ANAPC7: variants seen among roughly 807,000 people sequenced by gnomAD.
The protein encoded by ANAPC7 is anaphase-promoting complex subunit 7.
A neutral mutation model predicts 63.3 loss-of-function variants in ANAPC7; 25 were observed. That is an observed-to-expected ratio of 0.39 (90% CI 0.29 to 0.55). ANAPC7 has a LOEUF of 0.55. Ranked by LOEUF, ANAPC7 falls within the 20% of genes least tolerant of loss-of-function variation. The pLI is 0.57. For missense variants in ANAPC7, 516 were observed against 691.7 expected (o/e 0.75, Z 2.85); for synonymous variants, 241 against 251.7 (o/e 0.96, Z 0.40).
chr12:110,386,314 A>G lies in ANAPC7; in HGVS notation c.817+13T>C. ...ACAACAGCCACTGTCTTCCTGCCCCAAGAATTACTTACCTTTTATCAGATA... is the reference window on the plus strand; with the variant it reads ...ACAACAGCCACTGTCTTCCTGCCCCGAGAATTACTTACCTTTTATCAGATA... On this transcript the variant is annotated intron_variant, in intron 6 of 10. Coordinates refer to ENST00000455511, the MANE Select transcript of ANAPC7 (RefSeq NM_016238.3). The G allele has an allele frequency of 1.2e-6, 2 of 1,613,768 alleles. No homozygotes were observed. The highest frequency in any genetic ancestry group is 1.7e-6 in the Non-Finnish European group (2 of 1,179,968).
chr12:110,380,304 T>C (rs936152199), intron 8 of ANAPC7, among the ~76,000 whole-genome samples: 2 of 151,532 alleles, frequency 1.3e-5, no homozygotes, highest in African/African-American at 4.9e-5. Flanking sequence ...TGAGCTGAGA[T>C]TGCACCACTG....
chr12:110,396,900 C>A (rs1219295216), intron 1 of ANAPC7, among the ~76,000 whole-genome samples: 1 of 151,790 alleles, frequency 6.6e-6, no homozygotes, highest in Admixed American at 6.6e-5. Context: ...ACTTTGAATC[C>A]TTTTTAAAAA....
At chr12:110,397,552 C>T (rs1462835726) in intron 1 of ANAPC7, among the ~76,000 whole-genome samples, 4 of 135,862 alleles carry the variant, frequency 2.9e-5, no homozygotes, top group Admixed American at 1.4e-4. Flanking sequence ...AGCGAGATCT[C>T]GTCTCAAAAA....
In ANAPC7 at chr12:110,377,926, C is replaced by G. The variant is rs147090898; in HGVS notation, c.1133-309G>C. Reference sequence around the variant, plus strand: ...CATCTGACCACTGGAAGAATAAATGCGACACTAATGATTAGTCTGTCATAT... The same window carrying G: ...CATCTGACCACTGGAAGAATAAATGGGACACTAATGATTAGTCTGTCATAT... On this transcript the variant is annotated intron_variant, in intron 8 of 10. Coordinates refer to ENST00000455511, the MANE Select transcript of ANAPC7 (RefSeq NM_016238.3). 1.8e-5 allele frequency: 13 copies of G among 720,682 alleles called. No homozygotes were observed. In the East Asian group the frequency reaches 5.7e-4, roughly 32 times the overall value. The allele number at this position is 720,682 out of a possible 1,614,324, so 44.6% of individuals were successfully genotyped here.
At chr12:110,386,613 CTT>C (rs1882478045) in intron 5 of ANAPC7, 144 bp from the exon 6 acceptor site, 1 of 793,806 alleles carries the variant, frequency 1.3e-6, no homozygotes, top group African/African-American at 1.8e-5. Context: ...AAGCTTATGA[CTT>C]TAAAAAAAGT....
At chr12:110,393,470 G>A (rs1364391345) in intron 3 of ANAPC7, among the ~76,000 whole-genome samples, 3 of 152,128 alleles carry the variant, frequency 2.0e-5, no homozygotes, top group African/African-American at 7.2e-5. Flanking sequence ...GCTCCTGCCT[G>A]TAATCCCAGC....
intron 3 of ANAPC7, among the ~76,000 whole-genome samples, chr12:110,394,334 T>TA (rs947702881): frequency 2.7e-5 from 4 of 147,276 alleles, no homozygotes; most frequent in South Asian, 2.1e-4. Context: ...CTACCAAAAA[T>TA]AAAAAAAATT....
chr12:110,382,475 T>C (rs1382671269), intron 7 of ANAPC7, among the ~76,000 whole-genome samples: 1 of 129,132 alleles, frequency 7.7e-6, no homozygotes, highest in African/African-American at 3.0e-5. Flanking sequence ...TATATATATA[T>C]ATATATATAT....
chr12:110,393,700 T>C (rs1883299423), intron 3 of ANAPC7, among the ~76,000 whole-genome samples: 1 of 151,792 alleles, frequency 6.6e-6, no homozygotes, highest in South Asian at 2.1e-4. Flanking sequence ...AAACCCAGTC[T>C]CTACTAAAAT....
At chr12:110,395,320 T>A in intron 2 of ANAPC7, 100 bp from the exon 3 acceptor site, 3 of 588,546 alleles carry the variant, frequency 5.1e-6, no homozygotes, top group Non-Finnish European at 6.7e-6. Flanking sequence ...CAGCAATTCT[T>A]TTTTTTTTTT....
At position 110,374,165 on chromosome 12, in the gene ANAPC7, C is replaced by T. The variant is rs745382632; in HGVS notation, c.1677G>A (p.Glu559=). The T allele has an allele frequency of 1.2e-6, 2 of 1,612,630 alleles. No homozygotes were observed. The highest frequency in any genetic ancestry group is 1.1e-5 in the South Asian group (1 of 91,056). ...DSEAAQWADQ[E]QWFGMQ ...CCCCTCACTGCATGCCGAACCACTG[C>T]TCCTGGTCAGCCCACTGGGCCGCCT... Residue 559 remains glutamate (E), a synonymous_variant, in exon 11 of 11, where the codon GAG becomes GAA. Coordinates refer to ENST00000455511, the MANE Select transcript of ANAPC7 (RefSeq NM_016238.3).
chr12:110,383,603 C>T (rs1422822314), intron 6 of ANAPC7, among the ~76,000 whole-genome samples: 1 of 151,798 alleles, frequency 6.6e-6, no homozygotes, highest in Non-Finnish European at 1.5e-5. Flanking sequence ...AGCCAAGTGG[C>T]CAGGTGCAGT....
rs149838646 is a variant in ANAPC7 at position 110,388,538 on chromosome 12, C to T, written c.494G>A (p.Cys165Tyr). Residue 165 changes from cysteine (C) to tyrosine (Y), a missense_variant, in exon 4 of 11, where the codon TGC becomes TAC. Physicochemically the swap from Cys to Tyr is radical, Grantham distance 194. Coordinates refer to ENST00000455511, the MANE Select transcript of ANAPC7 (RefSeq NM_016238.3). The part of the protein sequence containing the change: ...VTSYKEVLRQ[C>Y]PLALDAILGL... ...TAGAATGGCATCAAGGGCTAATGGG[C>T]ACTGCCTCAGCACCTCCTTATAGCT... The T allele has an allele frequency of 1.7e-5, 27 of 1,614,120 alleles. No individual in the cohort carries two copies. The highest frequency in any genetic ancestry group is 3.3e-4 in the Middle Eastern group (2 of 6,062).
At chr12:110,382,795 C>A in intron 7 of ANAPC7, 48 bp downstream of exon 7, 1 of 1,462,104 alleles carries the variant, frequency 6.8e-7, no homozygotes, top group Non-Finnish European at 9.5e-7. Context: ...CAACCATTAT[C>A]TCTTAATCTA....
chr12:110,374,093 G>A lies in ANAPC7; in HGVS notation c.*51C>T, dbSNP rs770516781. The A allele has an allele frequency of 6.3e-5, 96 of 1,532,150 alleles. No homozygotes were observed. Among genetic ancestry groups the A allele is most frequent in the Non-Finnish European group, 7.8e-5 (89 of 1,141,466 alleles). 94.9% of individuals were successfully genotyped at this position (1,532,150 alleles called of 1,614,324 possible). ...GGCTCCTACGGTTCCTTCAGTCCAC[G>A]GAAGTGCTCAGAGCAGGGCAGGCCA... On this transcript the variant is annotated 3_prime_UTR_variant, in exon 11 of 11. Coordinates refer to ENST00000455511, the MANE Select transcript of ANAPC7 (RefSeq NM_016238.3).
intron 3 of ANAPC7, among the ~76,000 whole-genome samples, chr12:110,391,743 G>A (rs187328807): frequency 6.6e-6 from 1 of 152,314 alleles, no homozygotes; most frequent in East Asian, 1.9e-4. Flanking sequence ...CATTATGAAG[G>A]AGATTATGGT....
chr12:110,403,191 A>G (rs2062258447), intron 1 of ANAPC7, among the ~76,000 whole-genome samples: 1 of 152,144 alleles, frequency 6.6e-6, no homozygotes, highest in Non-Finnish European at 1.5e-5. Flanking sequence ...TTCTGGAAGG[A>G]GCCGAGAGGG....
At chr12:110,386,577 T>C in intron 5 of ANAPC7, 108 bp from the exon 6 acceptor site, 1 of 1,087,820 alleles carries the variant, frequency 9.2e-7, no homozygotes, top group Non-Finnish European at 1.3e-6. Context: ...TGCATAAATA[T>C]AAAATTCTTC....
At position 110,377,390 on chromosome 12, in the gene ANAPC7, T is replaced by TA; in HGVS notation, c.1357+2dup. On this transcript the variant is annotated splice_region_variant and intron_variant, in intron 9 of 10. Transcript: ENST00000455511. ...AACAGGACAGAAAATAAGACACACTTACTAAGTAGTTCTGCTTTTTTCACC... is the reference window on the plus strand; with the variant it reads ...AACAGGACAGAAAATAAGACACACTTAACTAAGTAGTTCTGCTTTTTTCACC... 1 of 1,611,064 alleles carries TA rather than the reference T, an allele frequency of 6.2e-7. No individual in the cohort carries two copies. The highest frequency in any genetic ancestry group is 8.5e-7 in the Non-Finnish European group (1 of 1,177,494).
Sources: allele counts gnomAD v4.1 joint callset (sites outside exome capture counted in the v4.1 genomes callset), GRCh38; gene constraint gnomAD v4.1.1; transcripts MANE v1.5; gene names NCBI Gene and HGNC (gene_info 2026-07-23, HGNC 2026-07-21).